Variants in KLF12 observed in about 807,000 individuals in gnomAD.
The protein encoded by KLF12 is KLF transcription factor 12.
KLF12 carries 9 observed loss-of-function variants against 37.8 expected under a neutral mutation model. The ratio of observed to expected loss-of-function variants is 0.24; its 90% confidence interval spans 0.14 to 0.42. KLF12 has a LOEUF of 0.42. Among genes scored for constraint, KLF12 ranks in the 10% least tolerant of loss-of-function variants. The probability of loss-of-function intolerance (pLI) is 1.00; values close to 1 mark genes in which losing one functional copy is unlikely to be tolerated. For missense variants in KLF12, 411 were observed against 516.0 expected, an observed-to-expected ratio of 0.80 and a Z score of 1.97; for synonymous variants, 208 against 202.1, an observed-to-expected ratio of 1.03 and a Z score of -0.25.
chr13:73,922,910 G>A (rs1404228526), intron 3 of KLF12, among the ~76,000 whole-genome samples: 1 of 152,146 alleles, frequency 6.6e-6, no homozygotes, highest in Non-Finnish European at 1.5e-5. Flanking sequence ...CTGTAGGGTG[G>A]CTTTATGTGG....
At chr13:73,893,353 C>G (rs1887603114) in intron 3 of KLF12, among the ~76,000 whole-genome samples, 1 of 141,044 alleles carries the variant, frequency 7.1e-6, no homozygotes, top group Non-Finnish European at 1.5e-5. Context: ...AGAATGCACT[C>G]AATCAACAAT....
the KLF12 span, among the ~76,000 whole-genome samples, chr13:74,304,658 G>A: frequency 2.6e-5 from 4 of 152,110 alleles, no homozygotes; most frequent in African/African-American, 4.8e-5. Context: ...AAGGGGTGAA[G>A]TACGTGTTTA....
At chr13:74,144,587 A>G in the KLF12 span, among the ~76,000 whole-genome samples, 1 of 152,186 alleles carries the variant, frequency 6.6e-6, no homozygotes, top group Non-Finnish European at 1.5e-5. Flanking sequence ...ACAAGGGAAA[A>G]TATATGTATG....
chr13:73,965,133 A>G (rs927419263), intron 2 of KLF12, among the ~76,000 whole-genome samples: 2 of 152,102 alleles, frequency 1.3e-5, no homozygotes, highest in African/African-American at 4.8e-5. Context: ...AACAGTCAAA[A>G]GCCTTTACCT....
the KLF12 span, among the ~76,000 whole-genome samples, chr13:74,200,351 T>C: frequency 6.6e-6 from 1 of 152,078 alleles, no homozygotes; most frequent in Non-Finnish European, 1.5e-5. Flanking sequence ...ACTGACCGGC[T>C]GGGGGAACTT....
At chr13:74,271,186 C>T in the KLF12 span, among the ~76,000 whole-genome samples, 6 of 152,132 alleles carry the variant, frequency 3.9e-5, no homozygotes, top group East Asian at 3.9e-4. Flanking sequence ...AGTTTCATCC[C>T]GAAACCATCC....
At chr13:74,171,219 T>C in the KLF12 span, among the ~76,000 whole-genome samples, 1 of 152,208 alleles carries the variant, frequency 6.6e-6, no homozygotes, top group Non-Finnish European at 1.5e-5. Context: ...AAGATTTTAC[T>C]GAATTAATGC....
chr13:73,776,162 G>T (rs1594077808), intron 5 of KLF12, among the ~76,000 whole-genome samples: 1 of 152,296 alleles, frequency 6.6e-6, no homozygotes, highest in South Asian at 2.1e-4. Context: ...TTATGTAGGT[G>T]TGTGTGTATT....
At chr13:74,060,500 G>GTGTGTGTGTGTGTGTC (rs1555336670) in intron 1 of KLF12, among the ~76,000 whole-genome samples, 13 of 149,222 alleles carry the variant, frequency 8.7e-5, no homozygotes, top group African/African-American at 3.2e-4. Flanking sequence ...GTGTGTGTGT[G>GTGTGTGTGTGTGTGTC]TGTGTGTGTG....
At chr13:73,918,329 AT>A in intron 3 of KLF12, among the ~76,000 whole-genome samples, 1 of 152,026 alleles carries the variant, frequency 6.6e-6, no homozygotes, top group Admixed American at 6.6e-5. Context: ...CCATGGCAAT[AT>A]TTCTACCTTG....
chr13:73,802,784 T>C (rs1882348932), intron 5 of KLF12, among the ~76,000 whole-genome samples: 1 of 152,206 alleles, frequency 6.6e-6, no homozygotes, highest in African/African-American at 2.4e-5. Flanking sequence ...TCCACGTTGC[T>C]GCAGCAGACA....
the KLF12 span, among the ~76,000 whole-genome samples, chr13:74,191,825 G>C: frequency 6.6e-6 from 1 of 151,928 alleles, no homozygotes; most frequent in Non-Finnish European, 1.5e-5. Context: ...ATTTCTCTCT[G>C]TCTATATATA....
chr13:73,787,805 C>CA lies in KLF12; in HGVS notation c.807-22806dup, dbSNP rs112633941. ...TCATAGAAAATATTTTATTTTTAAA[C>CA]AAAAAAAAGTACGTAGTACATTTTT... is the stretch of plus-strand genomic sequence containing the variant. On this transcript the variant is annotated intron_variant, in intron 5 of 7. Transcript: ENST00000377669. 5.3e-5 allele frequency among the ~76,000 whole-genome samples: 8 copies of CA among 151,606 alleles called. No individual in the cohort carries two copies. The East Asian group carries it at 1.4e-3, about 26-fold the overall frequency.
At chr13:74,011,400 A>C (rs915133686) in intron 1 of KLF12, among the ~76,000 whole-genome samples, 2 of 152,186 alleles carry the variant, frequency 1.3e-5, no homozygotes, top group Non-Finnish European at 2.9e-5. Flanking sequence ...GTGCAATTTA[A>C]GTTGTTCTAC....
At chr13:73,899,330 G>A (rs17090407) in intron 3 of KLF12, among the ~76,000 whole-genome samples, 28 of 152,220 alleles carry the variant, frequency 1.8e-4, no homozygotes, top group African/African-American at 5.3e-4. Context: ...CCCCATATCC[G>A]TCTGTTTCCA....
chr13:73,755,835 A>T (rs1879125693), intron 6 of KLF12, among the ~76,000 whole-genome samples: 1 of 151,706 alleles, frequency 6.6e-6, no homozygotes, highest in Admixed American at 6.6e-5. Context: ...GCCACTTATG[A>T]GTGAGAACAT....
At chr13:73,710,978 T>C (rs1832409953) in intron 7 of KLF12, among the ~76,000 whole-genome samples, 1 of 152,106 alleles carries the variant, frequency 6.6e-6, no homozygotes, top group African/African-American at 2.4e-5. Flanking sequence ...ACACAAATGA[T>C]AAGAAAGCAA....
chr13:73,963,750 T>G (rs771503948), intron 2 of KLF12, among the ~76,000 whole-genome samples: 2 of 152,120 alleles, frequency 1.3e-5, no homozygotes, highest in African/African-American at 2.4e-5. Context: ...ACATAGAAAA[T>G]AAGTTGTCAA....
intron 1 of KLF12, among the ~76,000 whole-genome samples, chr13:74,133,427 T>C (rs919476607): frequency 1.8e-4 from 27 of 150,270 alleles, no homozygotes; most frequent in Non-Finnish European, 2.7e-4. Context: ...ACTTGCTTAA[T>C]TCACGTTACT....
Sources: allele counts gnomAD v4.1 joint callset (sites outside exome capture counted in the v4.1 genomes callset), GRCh38; gene constraint gnomAD v4.1.1; transcripts MANE v1.5; gene names NCBI Gene and HGNC (gene_info 2026-07-23, HGNC 2026-07-21).